RGS5: variants seen among roughly 807,000 people sequenced by gnomAD.
RGS5 encodes regulator of G protein signaling 5.
In RGS5, 20 loss-of-function variants were observed where a neutral mutation model predicts 18.9. The observed-to-expected ratio is 1.06, with a 90% CI of 0.74 to 1.54. The LOEUF (loss-of-function observed/expected upper bound fraction) is 1.54. RGS5 is among the 40% of genes most tolerant of loss of function. RGS5 has a pLI of 0.00. For synonymous variants in RGS5, 57 were observed against 76.2 expected (o/e 0.75, Z 1.31); for missense variants, 201 against 211.8 (o/e 0.95, Z 0.32).
intron 2 of RGS5, among the ~76,000 whole-genome samples, chr1:163,294,314 G>C (rs1032705978): frequency 6.6e-6 from 1 of 152,242 alleles, no homozygotes; most frequent in East Asian, 1.9e-4. Context: ...CCAAAGCTCA[G>C]CTCTTGTCTT....
intron 1 of RGS5, chr1:163,212,114 A>G (rs1034025431): frequency 2.0e-5 from 3 of 152,120 alleles, no homozygotes; most frequent in South Asian, 4.1e-4. Context: ...CTTCTTCACA[A>G]ATGTCTTTAT....
intron 2 of RGS5, among the ~76,000 whole-genome samples, chr1:163,233,805 C>T (rs534406801): frequency 1.6e-4 from 25 of 151,854 alleles, no homozygotes; most frequent in African/African-American, 2.4e-4. Flanking sequence ...TTCACAAGGG[C>T]GGGGGACTAT....
At chr1:163,226,426 T>C (rs751472618) in intron 2 of RGS5, among the ~76,000 whole-genome samples, 8 of 152,152 alleles carry the variant, frequency 5.3e-5, no homozygotes, top group Non-Finnish European at 7.3e-5. Flanking sequence ...AAAGTTTGAA[T>C]GAGTGGCCCC....
At chr1:163,240,012 G>A (rs1557916126) in intron 2 of RGS5, among the ~76,000 whole-genome samples, 2 of 150,034 alleles carry the variant, frequency 1.3e-5, no homozygotes, top group East Asian at 1.9e-4. Context: ...AAAAGAACTT[G>A]AAAAAAGGTA....
chr1:163,286,557 T>A (rs1649153004), intron 2 of RGS5, among the ~76,000 whole-genome samples: 1 of 152,268 alleles, frequency 6.6e-6, no homozygotes, highest in Admixed American at 6.5e-5. Flanking sequence ...CTCCCTAATC[T>A]CATTTTCCTT....
At chr1:163,303,653 T>C (rs1649621794) in intron 2 of RGS5, among the ~76,000 whole-genome samples, 1 of 152,196 alleles carries the variant, frequency 6.6e-6, no homozygotes, top group South Asian at 2.1e-4. Context: ...GTTTTTCTGG[T>C]ATACAATCAG....
chr1:163,311,571 C>G (rs996634922), intron 1 of RGS5, among the ~76,000 whole-genome samples: 1 of 151,964 alleles, frequency 6.6e-6, no homozygotes, highest in Admixed American at 6.6e-5. Flanking sequence ...ATTAATTGGC[C>G]TAATTCAAAT....
intron 2 of RGS5, among the ~76,000 whole-genome samples, chr1:163,228,778 T>C (rs1037994532): frequency 1.3e-5 from 2 of 152,170 alleles, no homozygotes; most frequent in African/African-American, 4.8e-5. Context: ...ATACCCTAAA[T>C]CATCTGTTTC....
chr1:163,208,882 C>T (rs975686500), intron 1 of RGS5, among the ~76,000 whole-genome samples: 2 of 151,708 alleles, frequency 1.3e-5, no homozygotes, highest in Admixed American at 1.3e-4. Flanking sequence ...AGAAAGAAGA[C>T]AAAAAATAAG....
intron 2 of RGS5, among the ~76,000 whole-genome samples, chr1:163,225,499 GCTCT>G (rs1647313760): frequency 6.6e-6 from 1 of 152,028 alleles, no homozygotes; most frequent in East Asian, 1.9e-4. Flanking sequence ...CTTTTTTAGG[GCTCT>G]CTAACCATGA....
At chr1:163,211,183 A>C (rs978573846) in intron 1 of RGS5, 1 of 152,192 alleles carries the variant, frequency 6.6e-6, no homozygotes, top group Non-Finnish European at 1.5e-5. Flanking sequence ...GAGTTGAGGT[A>C]GTTAAAGCAA....
intron 1 of RGS5, among the ~76,000 whole-genome samples, chr1:163,188,939 G>A (rs574370258): frequency 6.8e-4 from 83 of 121,824 alleles, no homozygotes; most frequent in African/African-American, 2.2e-3. Flanking sequence ...GCAACAGAGC[G>A]AGACCCCATC....
intron 2 of RGS5, among the ~76,000 whole-genome samples, chr1:163,279,812 T>C (rs2940669): frequency 0.89 from 135,495 of 151,938 alleles, 61,221 homozygotes; most frequent in Non-Finnish European, 0.96. Flanking sequence ...AAATCAGAAA[T>C]GAAAAAGGAG....
intron 1 of RGS5, among the ~76,000 whole-genome samples, chr1:163,317,832 A>G (rs1650068155): frequency 6.6e-6 from 1 of 151,726 alleles, no homozygotes; most frequent in Non-Finnish European, 1.5e-5. Flanking sequence ...CATGGAGCCA[A>G]TAAGACTGAA....
At chr1:163,233,896 T>C (rs1647548448) in intron 2 of RGS5, among the ~76,000 whole-genome samples, 1 of 152,168 alleles carries the variant, frequency 6.6e-6, no homozygotes, top group African/African-American at 2.4e-5. Flanking sequence ...CAGGAACAGA[T>C]CACAATGGTG....
At chr1:163,192,447 C>G (rs1659396650) in intron 1 of RGS5, among the ~76,000 whole-genome samples, 1 of 152,116 alleles carries the variant, frequency 6.6e-6, no homozygotes, top group South Asian at 2.1e-4. Context: ...GTTTTTCCCA[C>G]TTAGTATAAA....
At chr1:163,184,995 A>G (rs1281235728) in intron 1 of RGS5, among the ~76,000 whole-genome samples, 1 of 152,222 alleles carries the variant, frequency 6.6e-6, no homozygotes, top group Non-Finnish European at 1.5e-5. Context: ...AAATAGACTT[A>G]AAACCAGTCA....
intron 2 of RGS5, among the ~76,000 whole-genome samples, chr1:163,165,025 A>G (rs76838535): frequency 0.016 from 2,454 of 152,276 alleles, 39 homozygotes; most frequent in Non-Finnish European, 0.023. Context: ...GCTCAAGTTT[A>G]TGAGCATTTA....
chr1:163,210,662 C>T (rs903892397), intron 1 of RGS5: 1 of 152,180 alleles, frequency 6.6e-6, no homozygotes, highest in African/African-American at 2.4e-5. Flanking sequence ...GGAGACAATG[C>T]CTAAAAGTGT....
Sources: allele counts gnomAD v4.1 joint callset (sites outside exome capture counted in the v4.1 genomes callset), GRCh38; gene constraint gnomAD v4.1.1; transcripts MANE v1.5; gene names NCBI Gene and HGNC (gene_info 2026-07-23, HGNC 2026-07-21).